TLN2: variants seen among roughly 807,000 people sequenced by gnomAD.
The protein encoded by TLN2 is talin 2.
Under a neutral mutation model 294.7 loss-of-function variants are expected in TLN2, and 118 were observed. The ratio of observed to expected loss-of-function variants is 0.40; its 90% CI spans 0.34 to 0.47. The LOEUF (loss-of-function observed/expected upper bound fraction) is 0.47, where lower values mean the gene tolerates loss of function less well. TLN2 is among the 20% of genes least tolerant of loss of function. The pLI is 0.84. For missense variants in TLN2, 3,083 were observed against 3,282.2 expected, an observed-to-expected ratio of 0.94 and a Z score of 1.48; for synonymous variants, 1,431 against 1,304.5, an observed-to-expected ratio of 1.10 and a Z score of -2.09.
In TLN2 at chr15:62,463,008, G is replaced by A. The variant is rs543831468; in HGVS notation, c.-238+72323G>A. Among the ~76,000 whole-genome samples, 40 of 152,278 alleles carry A rather than the reference G, an allele frequency of 2.6e-4. No individual in the cohort carries two copies. In the East Asian group the frequency reaches 6.8e-3, roughly 26 times the overall value. On this transcript the variant is annotated intron_variant, in intron 1 of 58. Transcript: ENST00000636159. ...TTTGCTGAGCAGCTGGCTGATGGCC[G>A]TGGCCACGGGGGTACTTATTCCCCG...
chr15:62,636,765 C>T (rs1312602837), intron 3 of TLN2, among the ~76,000 whole-genome samples: 4 of 152,144 alleles, frequency 2.6e-5, no homozygotes, highest in Middle Eastern at 3.2e-3. Context: ...CATGGTCACT[C>T]GGCAACCCAA....
intron 35 of TLN2, among the ~76,000 whole-genome samples, chr15:62,753,449 C>T (rs1348159415): frequency 6.6e-6 from 1 of 152,182 alleles, no homozygotes; most frequent in Non-Finnish European, 1.5e-5. Flanking sequence ...TGGGCAGCCT[C>T]GTGATCACAA....
intron 1 of TLN2, among the ~76,000 whole-genome samples, chr15:62,512,582 T>G (rs940988782): frequency 2.0e-5 from 3 of 152,220 alleles, no homozygotes; most frequent in African/African-American, 7.2e-5. Flanking sequence ...CATGATGTGC[T>G]CTTTCCGAGT....
intron 45 of TLN2, chr15:62,784,840 A>G (rs1260069190): frequency 3.9e-5 from 6 of 152,264 alleles, no homozygotes; most frequent in Non-Finnish European, 7.3e-5. Context: ...GTCAAGGCAG[A>G]AGGTTGTAAT....
chr15:62,805,542 A>G, intron 50 of TLN2, 58 bp from the exon 51 acceptor site: 2 of 1,506,418 alleles, frequency 1.3e-6, no homozygotes, highest in Non-Finnish European at 1.8e-6. Flanking sequence ...GGAGAAGAAT[A>G]AATTATTTTT....
intron 48 of TLN2, among the ~76,000 whole-genome samples, chr15:62,799,055 C>T (rs927600132): frequency 1.7e-4 from 26 of 152,198 alleles, no homozygotes; most frequent in African/African-American, 5.8e-4. Flanking sequence ...CCCAGTTTAT[C>T]TTCAAAGCAA....
intron 32 of TLN2, among the ~76,000 whole-genome samples, chr15:62,744,315 C>T (rs561019751): frequency 6.6e-6 from 1 of 152,186 alleles, no homozygotes; most frequent in East Asian, 1.9e-4. Flanking sequence ...TTCTTTGTAC[C>T]TTGTCTTCTC....
intron 19 of TLN2, among the ~76,000 whole-genome samples, chr15:62,706,015 T>C (rs189867247): frequency 1.3e-5 from 2 of 152,388 alleles, no homozygotes; most frequent in East Asian, 3.9e-4. Context: ...GCAGGCTGAA[T>C]ATTATTTCCA....
At chr15:62,819,319 A>C (rs1016763224) in intron 52 of TLN2, among the ~76,000 whole-genome samples, 197 bp from the exon 53 acceptor site, 2 of 152,110 alleles carry the variant, frequency 1.3e-5, no homozygotes, top group Admixed American at 1.3e-4. Context: ...CTGGTTCCCA[A>C]CCTTTTATTT....
At chr15:62,425,049 T>G (rs2034628966) in intron 1 of TLN2, among the ~76,000 whole-genome samples, 1 of 147,004 alleles carries the variant, frequency 6.8e-6, no homozygotes, top group South Asian at 2.2e-4. Context: ...GCCTCCCCAG[T>G]TCAAGTGATT....
chr15:62,803,454 C>T (rs1596053964), intron 50 of TLN2, among the ~76,000 whole-genome samples: 1 of 152,064 alleles, frequency 6.6e-6, no homozygotes, highest in Non-Finnish European at 1.5e-5. Context: ...TAAATTTGTC[C>T]TTTTGAAGCT....
intron 1 of TLN2, among the ~76,000 whole-genome samples, chr15:62,506,695 G>T (rs2039640210): frequency 6.6e-6 from 1 of 152,184 alleles, no homozygotes; most frequent in Non-Finnish European, 1.5e-5. Flanking sequence ...GCAGAAGCAG[G>T]CGTTGCTCTG....
chr15:62,532,525 G>A (rs2041104802), intron 1 of TLN2, among the ~76,000 whole-genome samples: 1 of 152,164 alleles, frequency 6.6e-6, no homozygotes, highest in Non-Finnish European at 1.5e-5. Context: ...GCTGCCCACT[G>A]TCCCTGTTGG....
chr15:62,721,873 T>C (rs62004625), intron 25 of TLN2, among the ~76,000 whole-genome samples: 25,618 of 152,216 alleles, frequency 0.17, 2,828 homozygotes, highest in Non-Finnish European at 0.24. Flanking sequence ...TGTGATCTTA[T>C]TTTTGAAAAA....
At chr15:62,521,681 G>T (rs1412703408) in intron 1 of TLN2, among the ~76,000 whole-genome samples, 1 of 152,078 alleles carries the variant, frequency 6.6e-6, no homozygotes, top group African/African-American at 2.4e-5. Context: ...TCTCTTTTCT[G>T]ATCTTAAAAG....
At chr15:62,649,401 C>T (rs1596491426) in intron 4 of TLN2, among the ~76,000 whole-genome samples, 1 of 152,130 alleles carries the variant, frequency 6.6e-6, no homozygotes, top group East Asian at 1.9e-4. Flanking sequence ...AGCTCTTACC[C>T]TCATCTGGGT....
chr15:62,760,426 A>G (rs2062590138), intron 37 of TLN2, among the ~76,000 whole-genome samples: 2 of 151,560 alleles, frequency 1.3e-5, no homozygotes, highest in Admixed American at 1.3e-4. Flanking sequence ...TGGTAATGCC[A>G]GTGCCCCTGT....
At chr15:62,639,810 A>G (rs115160286) in intron 3 of TLN2, among the ~76,000 whole-genome samples, 2,531 of 152,256 alleles carry the variant, frequency 0.017, 76 homozygotes, top group African/African-American at 0.058. Flanking sequence ...TGGGTTGACA[A>G]AATTATTAGA....
chr15:62,839,707 T>G (rs2070368195), intron 58 of TLN2, among the ~76,000 whole-genome samples: 1 of 152,232 alleles, frequency 6.6e-6, no homozygotes. Flanking sequence ...CATGTCTGCC[T>G]TAGCTCTTCC....
Sources: gnomAD v4.1 joint callset for allele counts (sites outside exome capture counted in the v4.1 genomes callset) on GRCh38, gnomAD v4.1.1 for gene constraint, MANE v1.5 for transcripts, NCBI Gene and HGNC (gene_info 2026-07-23, HGNC 2026-07-21) for gene names.